The following MYRIP variants were observed in gnomAD, a reference collection of about 807,000 sequenced individuals.
MYRIP encodes rab effector MyRIP.
Under a neutral mutation model 98.0 loss-of-function variants are expected in MYRIP, and 49 were observed. The observed-to-expected ratio is 0.50, with a 90% confidence interval of 0.40 to 0.63. MYRIP has a LOEUF of 0.63. Among genes scored for constraint, MYRIP ranks in the 30% least tolerant of loss-of-function variants. The probability of loss-of-function intolerance (pLI) is 0.00; values close to 1 mark genes in which losing one functional copy is unlikely to be tolerated. For missense variants in MYRIP, 1,004 were observed against 1,058.2 expected (o/e 0.95, Z 0.71); for synonymous variants, 404 against 409.5 (o/e 0.99, Z 0.16).
At chr3:39,873,786 T>G (rs1198144464) in intron 1 of MYRIP, among the ~76,000 whole-genome samples, 4 of 152,052 alleles carry the variant, frequency 2.6e-5, no homozygotes, top group Non-Finnish European at 5.9e-5. Flanking sequence ...GCCTCCAGCT[T>G]TGTTCTTTTG....
chr3:39,858,071 C>T (rs914462953), intron 1 of MYRIP, among the ~76,000 whole-genome samples: 2 of 152,126 alleles, frequency 1.3e-5, no homozygotes, highest in African/African-American at 4.8e-5. Context: ...AAATGGATTT[C>T]ATTCTCCAAT....
intron 2 of MYRIP, among the ~76,000 whole-genome samples, chr3:39,997,035 T>G (rs1275143522): frequency 6.6e-6 from 1 of 152,072 alleles, no homozygotes; most frequent in Non-Finnish European, 1.5e-5. Context: ...TTCAAAGCAG[T>G]GTGTAGAGGG....
rs151135795 is a variant in MYRIP, at chr3:40,042,715, T to C, written c.111-1335T>C. Among the ~76,000 whole-genome samples the C allele has an allele frequency of 4.5e-4, 69 of 152,326 alleles. 1 individual carries two copies. The East Asian group carries it at 0.012, about 26-fold the overall frequency. On this transcript the variant is annotated intron_variant, in intron 2 of 16. Transcript: ENST00000302541. ...AATAGTAGTAAAATACTATCAAGTA[T>C]TATCATAGTAGAATGCTGTAGTAAA... is the stretch of plus-strand genomic sequence containing the variant.
chr3:40,250,712 A>G (rs1244818717), intron 15 of MYRIP, among the ~76,000 whole-genome samples: 2 of 152,240 alleles, frequency 1.3e-5, no homozygotes, highest in African/African-American at 4.8e-5. Flanking sequence ...CTGCTAGAGA[A>G]GAAGATAAAT....
chr3:40,255,377 C>T (rs1225555892), intron 16 of MYRIP, among the ~76,000 whole-genome samples: 1 of 152,140 alleles, frequency 6.6e-6, no homozygotes, highest in Non-Finnish European at 1.5e-5. Context: ...GGTAGTTGTA[C>T]AACCTCGTGA....
chr3:39,913,620 TA>T, intron 2 of MYRIP, among the ~76,000 whole-genome samples: 1 of 152,258 alleles, frequency 6.6e-6, no homozygotes, highest in African/African-American at 2.4e-5. Flanking sequence ...TGAAAGAAGT[TA>T]AAAAAAGCTT....
intron 2 of MYRIP, among the ~76,000 whole-genome samples, chr3:39,914,936 T>C (rs1393548578): frequency 6.6e-6 from 1 of 152,030 alleles, no homozygotes; most frequent in Admixed American, 6.5e-5. Context: ...AAAGGCCCCT[T>C]TGCAGCATGA....
intron 3 of MYRIP, among the ~76,000 whole-genome samples, chr3:40,048,596 G>A (rs899737942): frequency 2.6e-5 from 4 of 152,084 alleles, no homozygotes; most frequent in East Asian, 3.8e-4. Context: ...TAAGAAAAAC[G>A]TGGTAACCTA....
At chr3:39,984,812 A>C (rs1029103261) in intron 2 of MYRIP, among the ~76,000 whole-genome samples, 2 of 151,946 alleles carry the variant, frequency 1.3e-5, no homozygotes, top group Non-Finnish European at 2.9e-5. Context: ...ACTGACTTCC[A>C]CAATGGTTGA....
chr3:39,860,965 T>C (rs1942451296), intron 1 of MYRIP, among the ~76,000 whole-genome samples: 1 of 152,246 alleles, frequency 6.6e-6, no homozygotes, highest in Non-Finnish European at 1.5e-5. Context: ...CACCCCTGCT[T>C]CTGCCAATGC....
intron 2 of MYRIP, among the ~76,000 whole-genome samples, chr3:39,953,707 C>A (rs1280612661): frequency 6.6e-6 from 1 of 152,078 alleles, no homozygotes; most frequent in Non-Finnish European, 1.5e-5. Flanking sequence ...GCCCATGAAG[C>A]CAAAGCAGGG....
chr3:40,065,379 G>A (rs1344718511), intron 3 of MYRIP, among the ~76,000 whole-genome samples: 1 of 152,108 alleles, frequency 6.6e-6, no homozygotes, highest in Non-Finnish European at 1.5e-5. Flanking sequence ...TAGCTACTCA[G>A]TGTTAGGACT....
chr3:40,082,266 A>T (rs1365202250), intron 3 of MYRIP, among the ~76,000 whole-genome samples: 1 of 152,226 alleles, frequency 6.6e-6, no homozygotes, highest in African/African-American at 2.4e-5. Context: ...AGGAATTTGA[A>T]ATCAGTGTAT....
chr3:39,957,514 T>G (rs1440176051), intron 2 of MYRIP, among the ~76,000 whole-genome samples: 1 of 152,164 alleles, frequency 6.6e-6, no homozygotes, highest in Non-Finnish European at 1.5e-5. Context: ...AACTCGGTAT[T>G]GATGGGATGT....
chr3:40,158,687 G>T (rs1575584856), intron 4 of MYRIP, among the ~76,000 whole-genome samples: 1 of 152,046 alleles, frequency 6.6e-6, no homozygotes, highest in Non-Finnish European at 1.5e-5. Context: ...CTCCTGTATT[G>T]GGTGCATAGA....
Position 39,977,343 on chromosome 3 carries a change from G to A in MYRIP, c.111-66707G>A, listed in dbSNP as rs536802446. On this transcript the variant is annotated intron_variant, in intron 2 of 16. Transcript: ENST00000302541. Reference sequence around the variant, plus strand: ...AGAGCAGATCTCTTGGGAGAAAATGGGGTGGATTCACCTGAATCAGCTTCC... The same window carrying A: ...AGAGCAGATCTCTTGGGAGAAAATGAGGTGGATTCACCTGAATCAGCTTCC... Among the ~76,000 whole-genome samples the A allele has an allele frequency of 3.9e-5, 6 of 152,198 alleles. No individual in the cohort carries two copies. The South Asian group carries it at 1.2e-3, about 32-fold the overall frequency.
chr3:40,210,232 G>A, intron 11 of MYRIP, 139 bp downstream of exon 11: 1 of 1,092,980 alleles, frequency 9.1e-7, no homozygotes, highest in Non-Finnish European at 1.3e-6. Context: ...ATTTGGGAGA[G>A]CCTAAGAGAA....
At position 40,030,827 on chromosome 3, in the gene MYRIP, G is replaced by A. The variant is rs1947244114; in HGVS notation, c.111-13223G>A. On this transcript the variant is annotated intron_variant, in intron 2 of 16. Transcript: ENST00000302541. ...GTGGTTTGCAGAGGCTGAGGGCAGGGGAGAATGCTTCATGAATACTGAATT... is the reference window on the plus strand; with the variant it reads ...GTGGTTTGCAGAGGCTGAGGGCAGGAGAGAATGCTTCATGAATACTGAATT... Among the ~76,000 whole-genome samples the A allele has an allele frequency of 2.0e-5, 3 of 152,080 alleles. No individual in the cohort carries two copies. In the South Asian group the frequency reaches 6.2e-4, roughly 31 times the overall value.
intron 3 of MYRIP, among the ~76,000 whole-genome samples, chr3:40,083,501 G>C (rs1948526078): frequency 6.6e-6 from 1 of 152,024 alleles, no homozygotes; most frequent in Non-Finnish European, 1.5e-5. Flanking sequence ...GGTGGTAAGG[G>C]GCAAAGGGAA....
Sources: allele counts gnomAD v4.1 joint callset (sites outside exome capture counted in the v4.1 genomes callset), GRCh38; gene constraint gnomAD v4.1.1; transcripts MANE v1.5; gene names NCBI Gene and HGNC (gene_info 2026-07-23, HGNC 2026-07-21).